BCL2: variants seen among roughly 807,000 people sequenced by gnomAD.
BCL2 encodes apoptosis regulator Bcl-2.
A neutral mutation model predicts 14.2 loss-of-function variants in BCL2; 1 was observed. That is an observed-to-expected ratio of 0.07 (90% CI 0.02 to 0.33). The LOEUF (loss-of-function observed/expected upper bound fraction) is 0.33. BCL2 is among the 10% of genes least tolerant of loss of function. BCL2 has a pLI of 0.99. For synonymous variants in BCL2, 151 were observed against 137.2 expected (o/e 1.10, Z -0.70); for missense variants, 247 against 305.9 (o/e 0.81, Z 1.44).
intron 2 of BCL2, among the ~76,000 whole-genome samples, chr18:63,243,982 G>T (rs1380072496): frequency 6.6e-6 from 1 of 152,132 alleles, no homozygotes; most frequent in Non-Finnish European, 1.5e-5. Flanking sequence ...AGTGGCTCAC[G>T]CCTGTAATCC....
intron 2 of BCL2, among the ~76,000 whole-genome samples, chr18:63,226,700 T>G (rs1042066963): frequency 2.2e-4 from 33 of 152,112 alleles, no homozygotes; most frequent in African/African-American, 7.0e-4. Flanking sequence ...AATATATATG[T>G]GCATGTGTTT....
intron 2 of BCL2, among the ~76,000 whole-genome samples, chr18:63,247,200 A>ATT (rs35786465): frequency 1.4e-5 from 2 of 143,022 alleles, no homozygotes; most frequent in African/African-American, 5.2e-5. Context: ...ATGCAACAGG[A>ATT]TTTTTTTTTT....
chr18:63,152,766 T>G (rs991789992), intron 2 of BCL2, among the ~76,000 whole-genome samples: 6 of 152,172 alleles, frequency 3.9e-5, no homozygotes, highest in African/African-American at 1.4e-4. Context: ...CTGGGTGAAA[T>G]TGTACACCAC....
chr18:63,130,040 G>A (rs1247105920), intron 2 of BCL2, among the ~76,000 whole-genome samples: 1 of 152,196 alleles, frequency 6.6e-6, no homozygotes, highest in African/African-American at 2.4e-5. Context: ...CGGGTCTGTA[G>A]TGTGTTGTAG....
intron 2 of BCL2, among the ~76,000 whole-genome samples, chr18:63,197,221 C>T (rs893039710): frequency 6.6e-6 from 1 of 152,198 alleles, no homozygotes; most frequent in African/African-American, 2.4e-5. Context: ...CAGAGTCCAA[C>T]CCGGCTAAGC....
intron 2 of BCL2, among the ~76,000 whole-genome samples, chr18:63,225,039 T>C (rs895519334): frequency 1.3e-5 from 2 of 151,762 alleles, no homozygotes; most frequent in African/African-American, 4.8e-5. Flanking sequence ...AGCAGAGATA[T>C]CACCAAGAAA....
At chr18:63,256,809 C>T (rs1317851798) in intron 2 of BCL2, among the ~76,000 whole-genome samples, 2 of 152,200 alleles carry the variant, frequency 1.3e-5, no homozygotes, top group African/African-American at 4.8e-5. Context: ...CCTAATCAAT[C>T]AACCTAACCA....
chr18:63,193,578 A>ATGTATGTG, intron 2 of BCL2, among the ~76,000 whole-genome samples: 1 of 133,016 alleles, frequency 7.5e-6, no homozygotes, highest in East Asian at 2.2e-4. Flanking sequence ...GCGGAGTAGT[A>ATGTATGTG]TGTATGTGTG....
At chr18:63,263,558 A>G (rs1468295516) in intron 2 of BCL2, among the ~76,000 whole-genome samples, 3 of 151,990 alleles carry the variant, frequency 2.0e-5, no homozygotes, top group East Asian at 1.9e-4. Context: ...AGACAACTCA[A>G]GGGTGTCAAT....
intron 2 of BCL2, among the ~76,000 whole-genome samples, chr18:63,248,241 G>C (rs1257231023): frequency 6.6e-6 from 1 of 152,230 alleles, no homozygotes; most frequent in African/African-American, 2.4e-5. Context: ...ATAATCCACG[G>C]ATCTGACCGG....
chr18:63,142,774 T>C (rs879919923), intron 2 of BCL2, among the ~76,000 whole-genome samples: 1 of 152,220 alleles, frequency 6.6e-6, no homozygotes, highest in Non-Finnish European at 1.5e-5. Context: ...GTGAGCTCCA[T>C]ATGGGCATGC....
intron 2 of BCL2, among the ~76,000 whole-genome samples, chr18:63,146,329 C>T (rs1160007706): frequency 6.6e-6 from 1 of 152,232 alleles, no homozygotes; most frequent in Non-Finnish European, 1.5e-5. Context: ...CCTTCCAGCC[C>T]GCCTCCTGGC....
intron 2 of BCL2, among the ~76,000 whole-genome samples, chr18:63,200,978 T>TG (rs1909673066): frequency 6.6e-6 from 1 of 152,122 alleles, no homozygotes; most frequent in African/African-American, 2.4e-5. Flanking sequence ...ATCCGCTGCA[T>TG]CCTCAGCTCC....
At chr18:63,198,499 CAT>C (rs759997477) in intron 2 of BCL2, among the ~76,000 whole-genome samples, 1 of 137,260 alleles carries the variant, frequency 7.3e-6, no homozygotes, top group African/African-American at 2.6e-5. Flanking sequence ...CACAGACACA[CAT>C]TGACACACAG....
chr18:63,265,890 G>A lies in BCL2; in HGVS notation c.585+52192C>T, dbSNP rs569394597. Among the ~76,000 whole-genome samples the A allele has an allele frequency of 1.4e-4, 21 of 152,224 alleles. No homozygotes were observed. The South Asian group carries it at 3.9e-3, about 29-fold the overall frequency. On this transcript the variant is annotated intron_variant, in intron 2 of 2. Coordinates refer to ENST00000333681, the MANE Select transcript of BCL2 (RefSeq NM_000633.3). ...AAAAAGCTGGTTAAAAATACTAGAA[G>A]GGTGAACATCAAAACATTTTATTAT...
chr18:63,166,554 G>A (rs958996163), intron 2 of BCL2, among the ~76,000 whole-genome samples: 1 of 152,172 alleles, frequency 6.6e-6, no homozygotes, highest in African/African-American at 2.4e-5. Flanking sequence ...ATATTAACAG[G>A]GAACCCTGGT....
chr18:63,193,582 A>ATGTGTGTG lies in BCL2; in HGVS notation c.586-64831_586-64824dup, dbSNP rs201003163. Among the ~76,000 whole-genome samples the ATGTGTGTG allele has an allele frequency of 2.5e-3, 348 of 139,416 alleles. 1 individual carries two copies. The highest frequency in any genetic ancestry group is 7.5e-3 in the Middle Eastern group (2 of 266). The allele number at this position is 139,416 out of a possible 152,430, so 91.5% of individuals were successfully genotyped here. On this transcript the variant is annotated intron_variant, in intron 2 of 2. Transcript: ENST00000333681. Reference sequence around the variant, plus strand: ...ATATTCTTAAGGCGGAGTAGTATGTATGTGTGTGTGTGTGTGTGTGTGTGT... The same window carrying ATGTGTGTG: ...ATATTCTTAAGGCGGAGTAGTATGTATGTGTGTGTGTGTGTGTGTGTGTGTGTGTGTGT...
chr18:63,293,959 T>TC (rs948422271), intron 2 of BCL2, among the ~76,000 whole-genome samples: 7 of 113,062 alleles, frequency 6.2e-5, no homozygotes, highest in Non-Finnish European at 1.0e-4. Flanking sequence ...GCTTTTTTTC[T>TC]CTTTTTTTTT....
At chr18:63,315,700 C>A (rs1913472147) in intron 2 of BCL2, 1 of 152,142 alleles carries the variant, frequency 6.6e-6, no homozygotes, top group African/African-American at 2.4e-5. Context: ...AGAGATGTAA[C>A]CCCAATTGGT....
Sources: allele counts gnomAD v4.1 joint callset (sites outside exome capture counted in the v4.1 genomes callset), GRCh38; gene constraint gnomAD v4.1.1; transcripts MANE v1.5; gene names NCBI Gene and HGNC (gene_info 2026-07-23, HGNC 2026-07-21).